Variants in LGSN observed in about 807,000 individuals in gnomAD.
The protein encoded by LGSN is lengsin.
In LGSN, 21 loss-of-function variants were observed where a neutral mutation model predicts 19.5. The ratio of observed to expected loss-of-function variants is 1.07; its 90% CI spans 0.76 to 1.55. The LOEUF is 1.55. LGSN is among the 40% of genes most tolerant of loss of function. The pLI, the probability that LGSN is intolerant of heterozygous loss-of-function variation, is 0.00. For missense variants in LGSN, 673 were observed against 608.5 expected (o/e 1.11, Z -1.12); for synonymous variants, 257 against 215.6 (o/e 1.19, Z -1.68).
the LGSN span, among the ~76,000 whole-genome samples, chr6:63,407,718 A>T: frequency 6.6e-6 from 1 of 152,188 alleles, no homozygotes; most frequent in African/African-American, 2.4e-5. Context: ...GTATTCAATT[A>T]GGAAAAGAGG....
At chr6:63,468,184 G>A in the LGSN span, among the ~76,000 whole-genome samples, 8 of 152,092 alleles carry the variant, frequency 5.3e-5, no homozygotes, top group African/African-American at 1.7e-4. Context: ...AGGCTGGAGT[G>A]GAATGGTGCA....
chr6:63,436,849 G>A, the LGSN span, among the ~76,000 whole-genome samples: 2,331 of 150,622 alleles, frequency 0.015, 67 homozygotes, highest in African/African-American at 0.053. Flanking sequence ...CAGCCTGAGC[G>A]AAATGGTGAA....
upstream of LGSN, among the ~76,000 whole-genome samples, chr6:63,322,999 A>C (rs1021556115): frequency 6.6e-6 from 1 of 152,240 alleles, no homozygotes; most frequent in Admixed American, 6.5e-5. Context: ...TATTTTGTAA[A>C]GTTGATACAA....
At chr6:63,505,565 AAAAGAAAGAAAGAAAGAAAG>A in the LGSN span, among the ~76,000 whole-genome samples, 3,755 of 58,606 alleles carry the variant, frequency 0.064, 487 homozygotes, top group Non-Finnish European at 0.077. Context: ...AAAAAAAAAA[AAAAGAAAGAAAGAAAGAAAG>A]AAAGAAAGAA....
At position 63,294,518 on chromosome 6, in the gene LGSN, G is replaced by C. The variant is rs1177509234; in HGVS notation, c.163+395C>G. 2.0e-5 allele frequency among the ~76,000 whole-genome samples: 3 copies of C among 152,064 alleles called. No individual in the cohort carries two copies. The East Asian group carries it at 5.8e-4, about 29-fold the overall frequency. On this transcript the variant is annotated intron_variant, in intron 2 of 3. Transcript: ENST00000370657. ...GTTTTAGCAGTGTCTCACATCTGTT[G>C]AAATCTAGTTGGAGTTCCAAAATGT...
At chr6:63,512,061 G>A in the LGSN span, among the ~76,000 whole-genome samples, 1 of 150,260 alleles carries the variant, frequency 6.7e-6, no homozygotes, top group Non-Finnish European at 1.5e-5. Flanking sequence ...AAGGACTCAA[G>A]TTCTTTCCTT....
At chr6:63,559,036 C>G in the LGSN span, among the ~76,000 whole-genome samples, 1 of 152,076 alleles carries the variant, frequency 6.6e-6, no homozygotes, top group South Asian at 2.1e-4. Flanking sequence ...TGTATGGAGG[C>G]GAGAAGGATA....
At chr6:63,359,158 C>A in the LGSN span, among the ~76,000 whole-genome samples, 1 of 152,148 alleles carries the variant, frequency 6.6e-6, no homozygotes. Context: ...TATGTTGAAC[C>A]AGCCTTGCAT....
the LGSN span, among the ~76,000 whole-genome samples, chr6:63,545,944 G>A: frequency 2.0e-5 from 3 of 152,076 alleles, no homozygotes; most frequent in Non-Finnish European, 4.4e-5. Flanking sequence ...CTTAAAACAA[G>A]AATATCCAGA....
the LGSN span, among the ~76,000 whole-genome samples, chr6:63,559,841 G>A: frequency 6.6e-6 from 1 of 152,096 alleles, no homozygotes; most frequent in African/African-American, 2.4e-5. Context: ...TGCCCAGGCT[G>A]GTTTCGAACT....
chr6:63,438,540 C>T, the LGSN span, among the ~76,000 whole-genome samples: 10 of 151,892 alleles, frequency 6.6e-5, no homozygotes, highest in Non-Finnish European at 1.2e-4. Flanking sequence ...AAAAAGTGGG[C>T]GAAGGACATG....
At chr6:63,435,577 T>C in the LGSN span, among the ~76,000 whole-genome samples, 4 of 150,192 alleles carry the variant, frequency 2.7e-5, no homozygotes, top group Admixed American at 2.7e-4. Flanking sequence ...TTTTAAAATA[T>C]GTCAGATCGT....
At chr6:63,441,723 C>T in the LGSN span, 3 of 414,686 alleles carry the variant, frequency 7.2e-6, no homozygotes, top group East Asian at 1.2e-4. Context: ...ACCAAGGAAA[C>T]AAATTAGGCC....
the LGSN span, among the ~76,000 whole-genome samples, chr6:63,435,413 C>T: frequency 6.6e-6 from 1 of 152,076 alleles, no homozygotes; most frequent in Non-Finnish European, 1.5e-5. Flanking sequence ...ATTTTTGTAT[C>T]CTTAGCACAT....
the LGSN span, among the ~76,000 whole-genome samples, chr6:63,333,037 A>G: frequency 3.3e-5 from 5 of 152,028 alleles, no homozygotes; most frequent in African/African-American, 1.2e-4. Context: ...TACAGCTCAT[A>G]AAAGCAGTGT....
At chr6:63,469,563 A>G in the LGSN span, among the ~76,000 whole-genome samples, 1 of 152,230 alleles carries the variant, frequency 6.6e-6, no homozygotes, top group African/African-American at 2.4e-5. Context: ...TATAGTGATA[A>G]AAATTTTTGT....
intron 1 of LGSN, among the ~76,000 whole-genome samples, chr6:63,304,688 C>T (rs974337639): frequency 6.6e-6 from 1 of 152,138 alleles, no homozygotes; most frequent in South Asian, 2.1e-4. Context: ...TGGTATGCTC[C>T]TGCCAGTCAC....
At chr6:63,335,763 T>C in the LGSN span, among the ~76,000 whole-genome samples, 1 of 150,272 alleles carries the variant, frequency 6.7e-6, no homozygotes, top group Non-Finnish European at 1.5e-5. Context: ...GGAAGTTTCT[T>C]AAAAAAAAAA....
At chr6:63,482,897 C>T in the LGSN span, among the ~76,000 whole-genome samples, 1 of 152,072 alleles carries the variant, frequency 6.6e-6, no homozygotes, top group East Asian at 1.9e-4. Flanking sequence ...GACGGGGTTT[C>T]GCCATGTTGG....
Sources: gnomAD v4.1 joint callset for allele counts (sites outside exome capture counted in the v4.1 genomes callset) on GRCh38, gnomAD v4.1.1 for gene constraint, MANE v1.5 for transcripts, NCBI Gene and HGNC (gene_info 2026-07-23, HGNC 2026-07-21) for gene names.